The following SPINDOC variants were observed in gnomAD, a reference collection of about 807,000 sequenced individuals.
SPINDOC encodes the protein spindlin interactor and repressor of chromatin-binding protein.
Under a neutral mutation model 30.7 loss-of-function variants are expected in SPINDOC, and 13 were observed. The observed-to-expected ratio is 0.42, with a 90% confidence interval of 0.28 to 0.67. The LOEUF (loss-of-function observed/expected upper bound fraction) is 0.67. SPINDOC is among the 30% of genes least tolerant of loss of function. SPINDOC has a pLI of 0.22. For missense variants in SPINDOC, 438 were observed against 518.0 expected (o/e 0.85, Z 1.50); for synonymous variants, 228 against 211.4 (o/e 1.08, Z -0.68).
In SPINDOC at chr11:63,826,924, C is replaced by G; in HGVS notation, c.935-4C>G. 1 of 1,450,386 alleles carries G rather than the reference C, an allele frequency of 6.9e-7. No homozygotes were observed. 89.8% of individuals were successfully genotyped at this position (1,450,386 alleles called of 1,614,324 possible). A position where few individuals can be genotyped will look rare whatever the true frequency, so the allele number is the denominator to read the frequency against. On this transcript the variant is annotated splice_polypyrimidine_tract_variant and splice_region_variant and intron_variant, in intron 5 of 5. Transcript: ENST00000294244. ...GACTGCTCTCTGCTCTCATCCCTGC[C>G]CAGCTCCCCCTCCGGGGCTCCGCGG... is the stretch of plus-strand genomic sequence containing the variant.
rs1335302212 is a variant in SPINDOC at position 63,827,336 on chromosome 11, G to A, written c.*197G>A. On this transcript the variant is annotated 3_prime_UTR_variant, in exon 6 of 6. Coordinates refer to ENST00000294244, the MANE Select transcript of SPINDOC (RefSeq NM_138471.3). ...CCTGGCCAGGCCTGAGGTCGGCGAG[G>A]GTGGCTGAGGCTGTTGTGCAGTAGG... 1.0e-6 allele frequency: 1 copy of A among 989,826 alleles called. No individual in the cohort carries two copies. The highest frequency in any genetic ancestry group is 1.5e-6 in the Non-Finnish European group (1 of 686,210). 61.3% of individuals were successfully genotyped at this position (989,826 alleles called of 1,614,324 possible). A position where few individuals can be genotyped will look rare whatever the true frequency, so the allele number is the denominator to read the frequency against.
At chr11:63,815,082 A>C (rs1304032382) in intron 1 of SPINDOC, among the ~76,000 whole-genome samples, 1 of 152,252 alleles carries the variant, frequency 6.6e-6, no homozygotes, top group African/African-American at 2.4e-5. Flanking sequence ...AAATAGGTTC[A>C]TGTATAGTAT....
intron 5 of SPINDOC, among the ~76,000 whole-genome samples, chr11:63,821,616 G>A (rs991893046): frequency 6.6e-6 from 1 of 152,304 alleles, no homozygotes. Flanking sequence ...AATGCTTCTT[G>A]AAGAAGTGAA....
At chr11:63,814,519 T>A (rs1038132665) in intron 1 of SPINDOC, among the ~76,000 whole-genome samples, 1 of 152,212 alleles carries the variant, frequency 6.6e-6, no homozygotes, top group African/African-American at 2.4e-5. Flanking sequence ...CACCGATTTC[T>A]AGTCCTCAGG....
Position 63,813,633 on chromosome 11 carries a change from C to T in SPINDOC, c.-54C>T. On this transcript the variant is annotated 5_prime_UTR_variant, in exon 1 of 6. Transcript: ENST00000294244. ...AGGCGGGAGGCGGTTGCCGGCTGCG[C>T]GCCGAAGCCTGCGCGCCAGTCCTCC... The T allele has an allele frequency of 6.9e-7, 1 of 1,452,490 alleles. No individual in the cohort carries two copies. The allele number at this position is 1,452,490 out of a possible 1,614,324, so 90.0% of individuals were successfully genotyped here. A position where few individuals can be genotyped will look rare whatever the true frequency, so the allele number is the denominator to read the frequency against.
At chr11:63,822,577 A>G in intron 5 of SPINDOC, 1 of 1,286,782 alleles carries the variant, frequency 7.8e-7, no homozygotes, top group Non-Finnish European at 1.0e-6. Flanking sequence ...CCGTTTTCTG[A>G]TCTCGAGGCA....
Position 63,818,359 on chromosome 11 carries a change from C to G in SPINDOC, c.601C>G (p.Leu201Val). Reference sequence around the variant, plus strand: ...GCCCAGGGGACTCCGCCCCCTCGAGCTTCCTGGTTAGTCAACAGAGAAGCC... The same window carrying G: ...GCCCAGGGGACTCCGCCCCCTCGAGGTTCCTGGTTAGTCAACAGAGAAGCC... ...SRPRGLRPLE[L>V]PAVPATEPGN... The change falls in exon 3 of 6, where the codon CTT (leucine) becomes GTT (valine). Residue 201 changes from leucine to valine, a missense_variant. This residue lies in a region of SPINDOC where 300 missense variants were observed against 332.8 expected (regional missense o/e 0.90). Transcript: ENST00000294244. This position sits in a 1 kb window ranked among gnomAD's most constrained non-coding sequence, Gnocchi z 5.3. The G allele has an allele frequency of 6.2e-7, 1 of 1,613,814 alleles. No individual in the cohort carries two copies. The highest frequency in any genetic ancestry group is 8.5e-7 in the Non-Finnish European group (1 of 1,179,894).
rs371764106 is a variant in SPINDOC, at chr11:63,818,355, C to G, written c.597C>G (p.Leu199=). The G allele has an allele frequency of 6.2e-7, 1 of 1,613,806 alleles. No individual in the cohort carries two copies. Among genetic ancestry groups the G allele is most frequent in the African/African-American group, 1.3e-5 (1 of 75,012 alleles). The change falls in exon 3 of 6, where the codon CTC becomes CTG. Residue 199 remains leucine, a synonymous_variant. Coordinates refer to ENST00000294244, the MANE Select transcript of SPINDOC (RefSeq NM_138471.3). This position sits in a 1 kb window ranked among gnomAD's most constrained non-coding sequence, Gnocchi z 5.3. ...GCCGGCCCAGGGGACTCCGCCCCCT[C>G]GAGCTTCCTGGTTAGTCAACAGAGA... is the stretch of plus-strand genomic sequence containing the variant. ...KRSRPRGLRP[L]ELPAVPATEP... is the part of the protein sequence containing the mutation.
chr11:63,819,387 T>C (rs1436441993), intron 5 of SPINDOC, among the ~76,000 whole-genome samples: 1 of 150,874 alleles, frequency 6.6e-6, no homozygotes, highest in Non-Finnish European at 1.5e-5. Flanking sequence ...ATTTTTGTAT[T>C]TTTAGTAGAG....
chr11:63,826,844 A>G (rs1425880411), intron 5 of SPINDOC, 84 bp from the exon 6 acceptor site: 1 of 711,276 alleles, frequency 1.4e-6, no homozygotes, highest in African/African-American at 1.8e-5. Flanking sequence ...AAATGTGGGT[A>G]CAGTTTGCGG....
intron 5 of SPINDOC, among the ~76,000 whole-genome samples, chr11:63,824,210 G>A (rs367948947): frequency 6.6e-6 from 1 of 151,986 alleles, no homozygotes; most frequent in Admixed American, 6.6e-5. Flanking sequence ...GCACCTGGCC[G>A]GTCCTTCTCT....
Position 63,822,463 on chromosome 11 carries a change from C to T in SPINDOC, c.934+3461C>T, listed in dbSNP as rs868718200. 69 of 556,018 alleles carry T rather than the reference C, an allele frequency of 1.2e-4. 3 individuals are homozygous for T. In the Middle Eastern group the frequency reaches 9.8e-3, roughly 79 times the overall value. The allele number at this position is 556,018 out of a possible 1,614,324, so 34.4% of individuals were successfully genotyped here. ...CTCACAAAGTTTTTCTTTGTGTTCA[C>T]TGCTATACCACTCTTAATTTGGTTT... On this transcript the variant is annotated intron_variant, in intron 5 of 5. Coordinates refer to ENST00000294244, the MANE Select transcript of SPINDOC (RefSeq NM_138471.3).
intron 1 of SPINDOC, among the ~76,000 whole-genome samples, chr11:63,815,661 G>A (rs1215262485): frequency 1.3e-5 from 2 of 152,140 alleles, no homozygotes; most frequent in Non-Finnish European, 2.9e-5. Context: ...GTTGGAGACC[G>A]AGTCAGTCCC....
rs762858008 is a variant in SPINDOC at position 63,817,787 on chromosome 11, C to A, written c.128-18C>A. ...TGGGCACCTTTAGTGATAACACCCT[C>A]CCCCTCTCCCCTCGCAGTGACCCAA... On this transcript the variant is annotated intron_variant, in intron 1 of 5. Coordinates refer to ENST00000294244, the MANE Select transcript of SPINDOC (RefSeq NM_138471.3). 10 of 1,536,470 alleles carry A rather than the reference C, an allele frequency of 6.5e-6. No homozygotes were observed. The Middle Eastern group carries it at 6.6e-4, about 102-fold the overall frequency.
At position 63,818,563 on chromosome 11, in the gene SPINDOC, G is replaced by A. The variant is rs759370613; in HGVS notation, c.644G>A (p.Arg215His). The stretch of plus-strand genomic sequence containing the variant: ...ACAGAGCCAGGAAATAAGAAGCCCC[G>A]TGGTCAGAGATGGAAGGAACCCCCA... The part of the protein sequence containing the change: ...PATEPGNKKP[R>H]GQRWKEPPGE... Residue 215 changes from arginine (R) to histidine (H), a missense_variant, in exon 4 of 6, where the codon CGT (arginine) becomes CAT (histidine). By Grantham distance (29) the Arg-to-His change is conservative. Coordinates refer to ENST00000294244, the MANE Select transcript of SPINDOC (RefSeq NM_138471.3). The surrounding 1 kb of genome is among the most constrained non-coding windows in gnomAD (Gnocchi z 5.3). 8.1e-6 allele frequency: 13 copies of A among 1,613,302 alleles called. No homozygotes were observed. The Admixed American group carries it at 8.3e-5, about 10-fold the overall frequency.
At chr11:63,815,674 A>G (rs1273245724) in intron 1 of SPINDOC, among the ~76,000 whole-genome samples, 1 of 152,146 alleles carries the variant, frequency 6.6e-6, no homozygotes, top group Admixed American at 6.6e-5. Context: ...TCAGTCCCTC[A>G]TCACACATTA....
chr11:63,813,881 G>T, intron 1 of SPINDOC, 68 bp downstream of exon 1: 1 of 1,415,164 alleles, frequency 7.1e-7, no homozygotes, highest in South Asian at 1.5e-5. Flanking sequence ...TCCCTCCCCA[G>T]TCGGGGTCCG....
At chr11:63,820,596 A>G (rs2015487258) in intron 5 of SPINDOC, among the ~76,000 whole-genome samples, 1 of 151,940 alleles carries the variant, frequency 6.6e-6, no homozygotes. Context: ...AATGGCTTAA[A>G]ACAACACACA....
At position 63,818,517 on chromosome 11, in the gene SPINDOC, C is replaced by CT; in HGVS notation, c.608-5dup. 6.2e-7 allele frequency: 1 copy of CT among 1,610,574 alleles called. No individual in the cohort carries two copies. Among genetic ancestry groups the CT allele is most frequent in the Non-Finnish European group, 8.5e-7 (1 of 1,179,764 alleles). ...TCTTTAAAAGGGTATGAGGTCTTTT[C>CT]TTTTTGCAGCTGTCCCTGCCACAGA... On this transcript the variant is annotated splice_polypyrimidine_tract_variant and intron_variant, in intron 3 of 5. Coordinates refer to ENST00000294244, the MANE Select transcript of SPINDOC (RefSeq NM_138471.3). The surrounding 1 kb of genome is among the most constrained non-coding windows in gnomAD (Gnocchi z 5.3).
Sources: allele counts gnomAD v4.1 joint callset (sites outside exome capture counted in the v4.1 genomes callset), GRCh38; gene constraint gnomAD v4.1.1; regional missense constraint gnomAD v4.1.1; non-coding constraint Gnocchi (gnomAD v3.1); transcripts MANE v1.5; gene names NCBI Gene and HGNC (gene_info 2026-07-23, HGNC 2026-07-21).